The following MIGA1 variants were observed in gnomAD, a reference collection of about 807,000 sequenced individuals.
The protein encoded by MIGA1 is mitoguardin 1.
A neutral mutation model predicts 82.0 loss-of-function variants in MIGA1; 58 were observed. The observed-to-expected ratio is 0.71, with a 90% CI of 0.57 to 0.88. MIGA1 has a LOEUF of 0.88. Among genes scored for constraint, MIGA1 ranks in the 40% least tolerant of loss-of-function variants. The probability of loss-of-function intolerance (pLI) is 0.00; values close to 1 mark genes in which losing one functional copy is unlikely to be tolerated. For synonymous variants in MIGA1, 249 were observed against 253.6 expected (o/e 0.98, Z 0.17); for missense variants, 751 against 749.1 (o/e 1.00, Z -0.03).
At chr1:77,855,020 A>C (rs1383842710) in intron 8 of MIGA1, among the ~76,000 whole-genome samples, 1 of 152,096 alleles carries the variant, frequency 6.6e-6, no homozygotes, top group Non-Finnish European at 1.5e-5. Context: ...GAGTTTTTGT[A>C]GTTTCGGGTC....
At chr1:77,794,615 C>T (rs1362954362) in intron 2 of MIGA1, among the ~76,000 whole-genome samples, 1 of 152,130 alleles carries the variant, frequency 6.6e-6, no homozygotes, top group Non-Finnish European at 1.5e-5. Flanking sequence ...TGTCTCATTC[C>T]TATAATCCCA....
Position 77,807,102 on chromosome 1 carries a change from G to A in MIGA1, c.637+1G>A. The A allele has an allele frequency of 6.4e-7, 1 of 1,573,128 alleles. No individual in the cohort carries two copies. The highest frequency in any genetic ancestry group is 8.7e-7 in the Non-Finnish European group (1 of 1,152,270). On this transcript the variant is annotated splice_donor_variant, in intron 5 of 15. Coordinates refer to ENST00000370791, the MANE Select transcript of MIGA1 (RefSeq NM_198549.4). LOFTEE classifies it high-confidence loss of function. ...ACTCCAGAGAACTTATACTTAATGG[G>A]TAGGAATGAGATGATAACATTTTAA...
intron 6 of MIGA1, 138 bp downstream of exon 6, chr1:77,814,005 C>A: frequency 2.5e-6 from 2 of 815,986 alleles, no homozygotes; most frequent in African/African-American, 1.7e-5. Context: ...ATCTTCCCGC[C>A]TTGTCCTCTG....
chr1:77,849,274 G>C (rs1684958930), intron 8 of MIGA1, among the ~76,000 whole-genome samples: 1 of 152,148 alleles, frequency 6.6e-6, no homozygotes, highest in South Asian at 2.1e-4. Context: ...GTGCATGCCT[G>C]TAGTCCCAGC....
At chr1:77,816,124 A>T (rs933281244) in intron 7 of MIGA1, among the ~76,000 whole-genome samples, 2 of 151,732 alleles carry the variant, frequency 1.3e-5, no homozygotes, top group East Asian at 3.9e-4. Context: ...TTGTATTTTT[A>T]TTAGAGGTGG....
chr1:77,845,127 T>G (rs1684787239), intron 8 of MIGA1, among the ~76,000 whole-genome samples: 1 of 152,224 alleles, frequency 6.6e-6, no homozygotes, highest in South Asian at 2.1e-4. Flanking sequence ...ATAATATCTT[T>G]TATCTTCTCA....
chr1:77,811,101 C>T, intron 5 of MIGA1: 1 of 1,602,260 alleles, frequency 6.2e-7, no homozygotes, highest in Non-Finnish European at 8.5e-7. Context: ...CAACATGCTT[C>T]TGGAGCTCAA....
chr1:77,844,135 T>TATATATAGATAG (rs1376030825), intron 8 of MIGA1, among the ~76,000 whole-genome samples: 2 of 112,536 alleles, frequency 1.8e-5, no homozygotes, highest in African/African-American at 7.7e-5. Flanking sequence ...TATATATATA[T>TATATATAGATAG]ATAGATAGAT....
chr1:77,817,136 T>G lies in MIGA1; in HGVS notation c.895+1905T>G, dbSNP rs370918935. Among the ~76,000 whole-genome samples the G allele has an allele frequency of 2.0e-4, 30 of 152,310 alleles. No individual in the cohort carries two copies. In the East Asian group the frequency reaches 5.2e-3, roughly 26 times the overall value. The stretch of plus-strand genomic sequence containing the variant: ...GTTCTGTTTGGCATGCCTGGGCACA[T>G]TTTTTCTATATCCTTCTGTAGAGGT... On this transcript the variant is annotated intron_variant, in intron 7 of 15. Coordinates refer to ENST00000370791, the MANE Select transcript of MIGA1 (RefSeq NM_198549.4).
At chr1:77,843,196 C>T in intron 7 of MIGA1, 111 bp from the exon 8 acceptor site, 1 of 664,904 alleles carries the variant, frequency 1.5e-6, no homozygotes, top group Non-Finnish European at 2.6e-6. Context: ...CTTTTTGACA[C>T]TAGTAGTCTA....
At chr1:77,820,219 G>A (rs1683748939) in intron 7 of MIGA1, among the ~76,000 whole-genome samples, 1 of 149,342 alleles carries the variant, frequency 6.7e-6, no homozygotes, top group Non-Finnish European at 1.5e-5. Flanking sequence ...CACACATTTT[G>A]TAGAAAGAAA....
chr1:77,816,144 A>G (rs1231442137), intron 7 of MIGA1, among the ~76,000 whole-genome samples: 1 of 151,758 alleles, frequency 6.6e-6, no homozygotes, highest in African/African-American at 2.4e-5. Context: ...GGGTTTCACC[A>G]TGTTGGCCAG....
At chr1:77,869,759 C>T (rs1439948930) in intron 14 of MIGA1, among the ~76,000 whole-genome samples, 1 of 122,978 alleles carries the variant, frequency 8.1e-6, no homozygotes, top group African/African-American at 3.3e-5. Flanking sequence ...GCCTGCCTCC[C>T]GGACGGGGCG....
chr1:77,803,414 C>A lies in MIGA1; in HGVS notation c.510+8C>A. 1 of 1,418,266 alleles carries A rather than the reference C, an allele frequency of 7.1e-7. No individual in the cohort carries two copies. Among genetic ancestry groups the A allele is most frequent in the Non-Finnish European group, 9.3e-7 (1 of 1,071,218 alleles). 87.9% of individuals were successfully genotyped at this position (1,418,266 alleles called of 1,614,324 possible). On this transcript the variant is annotated splice_region_variant and intron_variant, in intron 4 of 15. Transcript: ENST00000370791. ...GCACAGAGTTTGGCCTCTGTAAGTA[C>A]AGAAAAAATATTAATTTTTAAAATT... is the stretch of plus-strand genomic sequence containing the variant.
rs1284226430 is a variant in MIGA1 at position 77,810,833 on chromosome 1, C to G, written c.638-2901C>G. ...GGTTTCTACTGAGTGGTAAAATTCA[C>G]AGAAGTTCCAGGTTCATCATGTCAG... On this transcript the variant is annotated intron_variant, in intron 5 of 15. Transcript: ENST00000370791. 3.1e-6 allele frequency: 5 copies of G among 1,604,936 alleles called. No individual in the cohort carries two copies. In the East Asian group the frequency reaches 8.9e-5, roughly 29 times the overall value.
In MIGA1 at chr1:77,878,907, T is replaced by G. The variant is rs1443905050; in HGVS notation, c.*3843T>G. On this transcript the variant is annotated 3_prime_UTR_variant, in exon 16 of 16. Transcript: ENST00000370791. ...ATCCATTTACTATGATTCCGTTAAT[T>G]TGTTGAATTAAATGCCTTTATAAAA... 8.7e-6 allele frequency: 3 copies of G among 343,454 alleles called. No homozygotes were observed. Among genetic ancestry groups the G allele is most frequent in the Non-Finnish European group, 1.6e-5 (3 of 189,966 alleles). 21.3% of individuals were successfully genotyped at this position (343,454 alleles called of 1,614,324 possible).
At chr1:77,863,694 G>T (rs1317657948) in intron 12 of MIGA1, among the ~76,000 whole-genome samples, 200 bp from the exon 13 acceptor site, 4 of 152,164 alleles carry the variant, frequency 2.6e-5, no homozygotes, top group Admixed American at 6.5e-5. Context: ...TTTCACTTGA[G>T]ATCTAGGAAG....
chr1:77,834,635 C>T (rs1684360800), intron 7 of MIGA1, among the ~76,000 whole-genome samples: 1 of 152,082 alleles, frequency 6.6e-6, no homozygotes, highest in African/African-American at 2.4e-5. Context: ...TGTTCTTTCT[C>T]TCAAATTATA....
intron 7 of MIGA1, among the ~76,000 whole-genome samples, chr1:77,842,781 A>G (rs1472621853): frequency 3.3e-5 from 5 of 152,212 alleles, no homozygotes; most frequent in Non-Finnish European, 5.9e-5. Flanking sequence ...ATCTCAGGTG[A>G]TCTGCCTGCC....
Sources: allele counts gnomAD v4.1 joint callset (sites outside exome capture counted in the v4.1 genomes callset), GRCh38; gene constraint gnomAD v4.1.1; transcripts MANE v1.5; gene names NCBI Gene and HGNC (gene_info 2026-07-23, HGNC 2026-07-21).